The following TMEM38B variants were observed in gnomAD, a reference collection of about 807,000 sequenced individuals.
TMEM38B encodes the protein trimeric intracellular cation channel type B.
TMEM38B carries 24 observed loss-of-function variants against 28.7 expected under a neutral mutation model. The ratio of observed to expected loss-of-function variants is 0.84; its 90% CI spans 0.61 to 1.18. The LOEUF is 1.18. Ranked by LOEUF, TMEM38B falls within the 50% of genes most tolerant of loss-of-function variation. The pLI, the probability that TMEM38B is intolerant of heterozygous loss-of-function variation, is 0.00. For synonymous variants in TMEM38B, 131 were observed against 127.7 expected, an observed-to-expected ratio of 1.03 and a Z score of -0.17; for missense variants, 380 against 350.9, an observed-to-expected ratio of 1.08 and a Z score of -0.66.
At chr9:105,707,990 A>G (rs763190717) in intron 2 of TMEM38B, among the ~76,000 whole-genome samples, 2 of 152,142 alleles carry the variant, frequency 1.3e-5, no homozygotes, top group Admixed American at 6.6e-5. Context: ...AAAAAGGAAG[A>G]TATCCAGAAT....
At chr9:105,701,576 G>A (rs568754944) in intron 1 of TMEM38B, 6 of 152,150 alleles carry the variant, frequency 3.9e-5, no homozygotes, top group Non-Finnish European at 7.4e-5. Context: ...TTACAGTCAC[G>A]ACCTTTCTGT....
At chr9:105,740,546 G>A (rs6477461) in intron 4 of TMEM38B, among the ~76,000 whole-genome samples, 66,840 of 151,920 alleles carry the variant, frequency 0.44, 17,213 homozygotes, top group African/African-American at 0.71. Context: ...AATTACAAGC[G>A]TGAGCCACCA....
intron 1 of TMEM38B, among the ~76,000 whole-genome samples, chr9:105,698,529 A>G (rs1385040391): frequency 1.3e-5 from 2 of 152,062 alleles, no homozygotes. Flanking sequence ...AATGTAGTGA[A>G]TTACATTATT....
chr9:105,752,695 A>G (rs1389947968), intron 5 of TMEM38B, among the ~76,000 whole-genome samples: 1 of 152,232 alleles, frequency 6.6e-6, no homozygotes, highest in Non-Finnish European at 1.5e-5. Context: ...TCAAAGGTAG[A>G]TAAGCCCACA....
At chr9:105,714,687 C>T (rs1836031474) in intron 2 of TMEM38B, among the ~76,000 whole-genome samples, 1 of 152,160 alleles carries the variant, frequency 6.6e-6, no homozygotes, top group Non-Finnish European at 1.5e-5. Flanking sequence ...CCATCTTCAG[C>T]CAGTGGAAGC....
intron 4 of TMEM38B, among the ~76,000 whole-genome samples, chr9:105,724,881 C>T (rs560806398): frequency 3.9e-5 from 6 of 152,206 alleles, no homozygotes; most frequent in African/African-American, 1.2e-4. Context: ...GCTTTTATAA[C>T]CAAAATCAAA....
intron 5 of TMEM38B, among the ~76,000 whole-genome samples, chr9:105,748,710 A>G (rs1217276339): frequency 6.6e-6 from 1 of 152,072 alleles, no homozygotes; most frequent in East Asian, 1.9e-4. Flanking sequence ...CAAGCCACTT[A>G]ATGTCTCTGA....
At chr9:105,758,303 C>G in intron 5 of TMEM38B, 1 of 731,752 alleles carries the variant, frequency 1.4e-6, no homozygotes, top group South Asian at 1.6e-5. Context: ...AAAGACACAT[C>G]TACAGCAAGT....
intron 2 of TMEM38B, among the ~76,000 whole-genome samples, chr9:105,706,135 G>A (rs1835654391): frequency 6.6e-6 from 1 of 152,182 alleles, no homozygotes; most frequent in East Asian, 1.9e-4. Flanking sequence ...CTGACGTGAG[G>A]TGATCTGCCC....
At chr9:105,760,491 T>G (rs761699066) in intron 5 of TMEM38B, 1 of 746,580 alleles carries the variant, frequency 1.3e-6, no homozygotes, top group Non-Finnish European at 2.4e-6. Flanking sequence ...GTAAGCAGAT[T>G]AGTGCTCAGG....
At chr9:105,703,840 T>A (rs1588387041) in intron 1 of TMEM38B, among the ~76,000 whole-genome samples, 2 of 152,326 alleles carry the variant, frequency 1.3e-5, no homozygotes, top group South Asian at 2.1e-4. Flanking sequence ...GCTGCATAGA[T>A]GTCTTCTTTT....
At chr9:105,764,544 C>T (rs1588474174) in intron 5 of TMEM38B, among the ~76,000 whole-genome samples, 1 of 152,128 alleles carries the variant, frequency 6.6e-6, no homozygotes. Flanking sequence ...AGGACCTCTT[C>T]AAGGAGAACT....
chr9:105,708,262 TAAC>T (rs1344789842), intron 2 of TMEM38B, among the ~76,000 whole-genome samples: 2 of 152,156 alleles, frequency 1.3e-5, no homozygotes, highest in African/African-American at 2.4e-5. Flanking sequence ...ATAATGCAAA[TAAC>T]AATAATGTGT....
intron 2 of TMEM38B, among the ~76,000 whole-genome samples, chr9:105,711,664 C>A (rs1432005067): frequency 6.6e-6 from 1 of 150,972 alleles, no homozygotes; most frequent in Admixed American, 6.6e-5. Flanking sequence ...CTGGTCTCTA[C>A]CAAAAATTAG....
rs554604455 is a variant in TMEM38B at position 105,730,474 on chromosome 9, G to C, written c.542+7853G>C. Among the ~76,000 whole-genome samples, 7 of 152,276 alleles carry C rather than the reference G, an allele frequency of 4.6e-5. No individual in the cohort carries two copies. In the East Asian group the frequency reaches 1.2e-3, roughly 25 times the overall value. On this transcript the variant is annotated intron_variant, in intron 4 of 5. Transcript: ENST00000374692. ...ATGTGCTGCTGGATTTGGTTTGCCA[G>C]TATTTTATTGAGGATTTTTCCATCC...
At chr9:105,696,267 C>T (rs1835284786) in intron 1 of TMEM38B, among the ~76,000 whole-genome samples, 1 of 152,134 alleles carries the variant, frequency 6.6e-6, no homozygotes, top group East Asian at 1.9e-4. Flanking sequence ...AGTTATTTTT[C>T]ATAAAGAATA....
intron 5 of TMEM38B, among the ~76,000 whole-genome samples, chr9:105,761,900 T>C (rs1180463003): frequency 1.3e-5 from 2 of 152,184 alleles, no homozygotes; most frequent in African/African-American, 2.4e-5. Flanking sequence ...TAGTGGCACA[T>C]TGACTTTATT....
At chr9:105,720,069 T>C (rs987671495) in intron 2 of TMEM38B, among the ~76,000 whole-genome samples, 1 of 152,128 alleles carries the variant, frequency 6.6e-6, no homozygotes, top group Non-Finnish European at 1.5e-5. Context: ...TTAAAAATCT[T>C]ATAGAACATG....
intron 4 of TMEM38B, 132 bp downstream of exon 4, chr9:105,722,753 G>A: frequency 1.6e-6 from 1 of 627,432 alleles, no homozygotes; most frequent in Non-Finnish European, 2.6e-6. Context: ...AATGATAATG[G>A]GAAGAGAACT....
Sources: allele counts gnomAD v4.1 joint callset (sites outside exome capture counted in the v4.1 genomes callset), GRCh38; gene constraint gnomAD v4.1.1; transcripts MANE v1.5; gene names NCBI Gene and HGNC (gene_info 2026-07-23, HGNC 2026-07-21).